The following GLIPR1L1 variants were observed in gnomAD, a reference collection of about 807,000 sequenced individuals.
The protein encoded by GLIPR1L1 is GLIPR1-like protein 1.
GLIPR1L1 carries 26 observed loss-of-function variants against 29.9 expected under a neutral mutation model. That is an observed-to-expected ratio of 0.87 (90% confidence interval 0.64 to 1.21). The LOEUF (loss-of-function observed/expected upper bound fraction) is 1.21. GLIPR1L1 is among the 50% of genes most tolerant of loss of function. GLIPR1L1 has a pLI of 0.00. For synonymous variants in GLIPR1L1, 77 were observed against 97.5 expected (o/e 0.79, Z 1.24); for missense variants, 305 against 290.3 (o/e 1.05, Z -0.37).
chr12:75,364,239 C>G (rs2043814016), intron 4 of GLIPR1L1, among the ~76,000 whole-genome samples: 1 of 152,174 alleles, frequency 6.6e-6, no homozygotes, highest in African/African-American at 2.4e-5. Context: ...CTCCCCTTTC[C>G]CATCATGGCC....
chr12:75,349,995 G>A (rs530161635), intron 3 of GLIPR1L1, among the ~76,000 whole-genome samples: 142 of 152,326 alleles, frequency 9.3e-4, no homozygotes, highest in African/African-American at 3.2e-3. Flanking sequence ...ACCGGGTCCC[G>A]GGAGGGAGGG....
chr12:75,338,637 C>A (rs953698418), intron 1 of GLIPR1L1, among the ~76,000 whole-genome samples: 3 of 151,326 alleles, frequency 2.0e-5, no homozygotes, highest in Non-Finnish European at 4.4e-5. Context: ...GCAGGATGTG[C>A]AGGTTTGTTA....
At position 75,334,759 on chromosome 12, in the gene GLIPR1L1, T is replaced by C. The variant is rs543052290; in HGVS notation, c.31T>C (p.Trp11Arg). The change falls in exon 1 of 6, where the codon TGG becomes CGG. Residue 11 changes from tryptophan (W) to arginine (R), a missense_variant. Coordinates refer to ENST00000378695, the MANE Select transcript of GLIPR1L1 (RefSeq NM_001304964.2). MALKNKFSCLWILGLCLVATT... is the reference protein window; with the variant it reads MALKNKFSCLRILGLCLVATT... The stretch of plus-strand genomic sequence containing the variant: ...TCTGAAGAATAAATTCAGTTGTTTA[T>C]GGATCTTGGGTCTGTGTTTGGTAGC... 7.4e-6 allele frequency: 12 copies of C among 1,614,120 alleles called. No individual in the cohort carries two copies. The highest frequency in any genetic ancestry group is 2.2e-5 in the South Asian group (2 of 91,080).
Position 75,356,497 on chromosome 12 carries a change from T to G in GLIPR1L1, c.522-6605T>G, listed in dbSNP as rs537269127. On this transcript the variant is annotated intron_variant, in intron 3 of 5. Transcript: ENST00000378695. ...TAACTTGATCGTGATAAGTAAAAGA[T>G]GCACACTATAAATTCTAAAGTAACT... 1.6e-4 allele frequency among the ~76,000 whole-genome samples: 24 copies of G among 152,272 alleles called. No homozygotes were observed. The South Asian group carries it at 5.0e-3, about 32-fold the overall frequency.
intron 1 of GLIPR1L1, among the ~76,000 whole-genome samples, chr12:75,338,180 G>C (rs914266980): frequency 2.6e-5 from 4 of 152,032 alleles, no homozygotes; most frequent in Non-Finnish European, 5.9e-5. Context: ...GCTCAATATA[G>C]ATGCAAAAAA....
intron 4 of GLIPR1L1, among the ~76,000 whole-genome samples, chr12:75,367,482 A>C (rs1162474802): frequency 6.6e-6 from 1 of 151,982 alleles, no homozygotes; most frequent in Non-Finnish European, 1.5e-5. Context: ...ACACAGGGTC[A>C]GAGTCATCAA....
intron 1 of GLIPR1L1, among the ~76,000 whole-genome samples, chr12:75,341,313 G>A (rs955297294): frequency 2.0e-5 from 3 of 152,028 alleles, no homozygotes; most frequent in African/African-American, 7.2e-5. Context: ...AATATGACTT[G>A]GTCACTAAAT....
intron 3 of GLIPR1L1, among the ~76,000 whole-genome samples, chr12:75,348,710 G>A (rs928651649): frequency 1.3e-5 from 2 of 152,160 alleles, no homozygotes; most frequent in African/African-American, 2.4e-5. Flanking sequence ...TATGGGTCTT[G>A]TGAAAGCATA....
At position 75,370,291 on chromosome 12, in the gene GLIPR1L1, T is replaced by C; in HGVS notation, c.*115T>C. 1 of 582,810 alleles carries C rather than the reference T, an allele frequency of 1.7e-6. No homozygotes were observed. The allele number at this position is 582,810 out of a possible 1,614,324, so 36.1% of individuals were successfully genotyped here. On this transcript the variant is annotated 3_prime_UTR_variant, in exon 6 of 6. Coordinates refer to ENST00000378695, the MANE Select transcript of GLIPR1L1 (RefSeq NM_001304964.2). The stretch of plus-strand genomic sequence containing the variant: ...CTGAATCTTCTACACTCTTGCCTGA[T>C]ACCTAAATTTAATGTTTGTTTTTAA...
At chr12:75,349,380 C>CA in intron 3 of GLIPR1L1, among the ~76,000 whole-genome samples, 1 of 151,984 alleles carries the variant, frequency 6.6e-6, no homozygotes, top group Middle Eastern at 3.4e-3. Context: ...ACAACAACAG[C>CA]AAAAAAACTC....
At chr12:75,340,871 C>T (rs1026127141) in intron 1 of GLIPR1L1, among the ~76,000 whole-genome samples, 3 of 151,626 alleles carry the variant, frequency 2.0e-5, no homozygotes, top group Non-Finnish European at 4.4e-5. Context: ...ATTAAAACCA[C>T]AAGGACATAT....
chr12:75,367,100 A>G, intron 4 of GLIPR1L1: 1 of 692,166 alleles, frequency 1.4e-6, no homozygotes, highest in East Asian at 2.7e-5. Context: ...ATTTGGGGAG[A>G]AAACGTAATG....
intron 3 of GLIPR1L1, among the ~76,000 whole-genome samples, chr12:75,353,771 C>T (rs1289273023): frequency 6.6e-6 from 1 of 152,186 alleles, no homozygotes; most frequent in African/African-American, 2.4e-5. Flanking sequence ...AATCCAGCAA[C>T]ACATCAAAAA....
At chr12:75,339,816 T>A (rs2041983238) in intron 1 of GLIPR1L1, among the ~76,000 whole-genome samples, 1 of 152,170 alleles carries the variant, frequency 6.6e-6, no homozygotes, top group Non-Finnish European at 1.5e-5. Flanking sequence ...GGCTAGCCAG[T>A]TCTCCCAGCG....
At chr12:75,335,187 C>T (rs2041641153) in intron 1 of GLIPR1L1, among the ~76,000 whole-genome samples, 1 of 152,050 alleles carries the variant, frequency 6.6e-6, no homozygotes, top group African/African-American at 2.4e-5. Context: ...AAGTACTGAA[C>T]ACAGGATTAT....
intron 3 of GLIPR1L1, among the ~76,000 whole-genome samples, chr12:75,357,324 C>T (rs2043218824): frequency 6.6e-6 from 1 of 151,922 alleles, no homozygotes; most frequent in Non-Finnish European, 1.5e-5. Context: ...CATAAGAGTC[C>T]TACATGTTAA....
intron 1 of GLIPR1L1, among the ~76,000 whole-genome samples, chr12:75,340,227 A>G (rs1230708110): frequency 6.6e-6 from 1 of 151,440 alleles, no homozygotes; most frequent in Non-Finnish European, 1.5e-5. Flanking sequence ...GACCGTTTCC[A>G]TATTTTTAGA....
intron 3 of GLIPR1L1, among the ~76,000 whole-genome samples, chr12:75,351,788 C>T (rs2139447936): frequency 6.6e-6 from 1 of 152,272 alleles, no homozygotes; most frequent in East Asian, 1.9e-4. Context: ...CTCAGGTGAT[C>T]CACCCTCCTT....
intron 3 of GLIPR1L1, among the ~76,000 whole-genome samples, chr12:75,361,294 T>C (rs2043571674): frequency 1.3e-5 from 2 of 152,106 alleles, no homozygotes; most frequent in African/African-American, 4.8e-5. Context: ...TAGGTATATG[T>C]AAAATAGGTG....
Sources: gnomAD v4.1 joint callset for allele counts (sites outside exome capture counted in the v4.1 genomes callset) on GRCh38, gnomAD v4.1.1 for gene constraint, MANE v1.5 for transcripts, NCBI Gene and HGNC (gene_info 2026-07-23, HGNC 2026-07-21) for gene names.